The following MEGF10 variants were observed in gnomAD, a reference collection of about 807,000 sequenced individuals.
MEGF10 encodes multiple EGF like domains 10.
In MEGF10, 86 loss-of-function variants were observed where a neutral mutation model predicts 147.5. The observed-to-expected ratio is 0.58, with a 90% CI of 0.49 to 0.70. MEGF10 has a LOEUF of 0.70. Among genes scored for constraint, MEGF10 ranks in the 30% least tolerant of loss-of-function variants. The pLI is 0.00. For synonymous variants in MEGF10, 478 were observed against 525.5 expected, an observed-to-expected ratio of 0.91 and a Z score of 1.24; for missense variants, 1,329 against 1,487.3, an observed-to-expected ratio of 0.89 and a Z score of 1.75.
chr5:127,401,543 G>T (rs1172331253), intron 7 of MEGF10, among the ~76,000 whole-genome samples: 1 of 152,168 alleles, frequency 6.6e-6, no homozygotes, highest in Non-Finnish European at 1.5e-5. Context: ...ACCATCTGGT[G>T]TTCACTAGCC....
At chr5:127,437,859 T>C (rs1041769551) in intron 16 of MEGF10, among the ~76,000 whole-genome samples, 2 of 152,146 alleles carry the variant, frequency 1.3e-5, no homozygotes, top group Non-Finnish European at 2.9e-5. Context: ...TGGCCTTGGG[T>C]CCTTTAACCT....
intron 19 of MEGF10, among the ~76,000 whole-genome samples, chr5:127,444,180 C>G (rs1198336678): frequency 6.6e-6 from 1 of 152,174 alleles, no homozygotes; most frequent in Non-Finnish European, 1.5e-5. Flanking sequence ...GCATGTGGTA[C>G]TCCCTGGTAG....
chr5:127,321,787 C>T lies in MEGF10; in HGVS notation c.-18-9504C>T, dbSNP rs183729882. On this transcript the variant is annotated intron_variant, in intron 1 of 24. Transcript: ENST00000503335. ...CAGACACCACTGAAAAGGATCTTCC[C>T]GAGAGAGGGACCTTGCCTGTACTCA... 7.2e-4 allele frequency among the ~76,000 whole-genome samples: 109 copies of T among 152,166 alleles called. 2 individuals carry two copies. The highest frequency in any genetic ancestry group is 4.1e-3 in the East Asian group (21 of 5,154).
upstream of MEGF10, among the ~76,000 whole-genome samples, chr5:127,286,939 T>C (rs1000691122): frequency 4.0e-5 from 6 of 151,816 alleles, no homozygotes; most frequent in Admixed American, 6.6e-5. Flanking sequence ...GTATATCAAA[T>C]ATATAATACA....
chr5:127,239,507 A>C, the MEGF10 span, among the ~76,000 whole-genome samples: 3 of 148,080 alleles, frequency 2.0e-5, no homozygotes, highest in Non-Finnish European at 4.5e-5. Flanking sequence ...ACAGTTTTAC[A>C]TGTATATACT....
chr5:127,421,724 C>T (rs1311718565), intron 12 of MEGF10, among the ~76,000 whole-genome samples: 2 of 151,980 alleles, frequency 1.3e-5, no homozygotes. Flanking sequence ...GGATAATAAT[C>T]AGAGAAAAGT....
chr5:127,235,986 T>A, the MEGF10 span, among the ~76,000 whole-genome samples: 1 of 152,104 alleles, frequency 6.6e-6, no homozygotes, highest in Non-Finnish European at 1.5e-5. Context: ...AACTTTTTTT[T>A]TTTTTGAGAC....
chr5:127,289,513 T>C (rs989877547), upstream of MEGF10, among the ~76,000 whole-genome samples: 1 of 152,058 alleles, frequency 6.6e-6, no homozygotes, highest in Non-Finnish European at 1.5e-5. Context: ...CTGCTGTCCT[T>C]GTGGCAGGGA....
intron 4 of MEGF10, among the ~76,000 whole-genome samples, chr5:127,364,442 G>A (rs1762584253): frequency 6.6e-6 from 1 of 152,072 alleles, no homozygotes. Flanking sequence ...GAGTTTGATG[G>A]ATCTACATCA....
chr5:127,353,836 G>C (rs1455864620), intron 4 of MEGF10, among the ~76,000 whole-genome samples: 2 of 152,238 alleles, frequency 1.3e-5, no homozygotes, highest in Non-Finnish European at 2.9e-5. Flanking sequence ...TTGTAAGAAG[G>C]ACAGAGGGAA....
chr5:127,239,785 G>A, the MEGF10 span, among the ~76,000 whole-genome samples: 1 of 152,002 alleles, frequency 6.6e-6, no homozygotes, highest in South Asian at 2.1e-4. Context: ...GCCCAATAAA[G>A]AGTTTTTAAA....
intron 19 of MEGF10, chr5:127,445,256 C>T: frequency 1.7e-6 from 1 of 579,138 alleles, no homozygotes; most frequent in South Asian, 2.1e-5. Flanking sequence ...AGGCTTACAG[C>T]AGCCTTTCTC....
chr5:127,414,650 C>T (rs1011168882), intron 9 of MEGF10, among the ~76,000 whole-genome samples: 3 of 152,156 alleles, frequency 2.0e-5, no homozygotes, highest in Non-Finnish European at 4.4e-5. Flanking sequence ...CAGGGAGAAG[C>T]AGATTAATGT....
At chr5:127,377,796 T>C (rs1763090980) in intron 5 of MEGF10, among the ~76,000 whole-genome samples, 1 of 152,220 alleles carries the variant, frequency 6.6e-6, no homozygotes, top group Non-Finnish European at 1.5e-5. Context: ...GAGTAGACGC[T>C]GGGAGCCCAG....
chr5:127,289,085 T>A (rs894082751), upstream of MEGF10, among the ~76,000 whole-genome samples: 4 of 152,188 alleles, frequency 2.6e-5, no homozygotes, highest in Non-Finnish European at 5.9e-5. Context: ...AGAAGTTGAC[T>A]TTAAAGGGGT....
At chr5:127,412,196 G>A (rs1356481355) in intron 9 of MEGF10, among the ~76,000 whole-genome samples, 1 of 152,126 alleles carries the variant, frequency 6.6e-6, no homozygotes, top group Non-Finnish European at 1.5e-5. Flanking sequence ...GTCTAATATT[G>A]TATACCAAAT....
chr5:127,275,405 G>A, the MEGF10 span, among the ~76,000 whole-genome samples: 1 of 152,090 alleles, frequency 6.6e-6, no homozygotes, highest in Non-Finnish European at 1.5e-5. Context: ...TATCAGAGTC[G>A]GGAGCTTGCA....
the MEGF10 span, among the ~76,000 whole-genome samples, chr5:127,244,367 G>GAAAAAAAAA: frequency 9.5e-6 from 1 of 105,628 alleles, no homozygotes; most frequent in Non-Finnish European, 2.0e-5. Flanking sequence ...GCGAGACTCC[G>GAAAAAAAAA]AAAAAAAAAA....
At chr5:127,368,652 T>C (rs780504617) in intron 4 of MEGF10, among the ~76,000 whole-genome samples, 21 of 152,208 alleles carry the variant, frequency 1.4e-4, no homozygotes, top group Non-Finnish European at 2.1e-4. Flanking sequence ...TCACCTAAAA[T>C]GCCCTCCCTT....
Sources: allele counts gnomAD v4.1 joint callset (sites outside exome capture counted in the v4.1 genomes callset), GRCh38; gene constraint gnomAD v4.1.1; transcripts MANE v1.5; gene names NCBI Gene and HGNC (gene_info 2026-07-23, HGNC 2026-07-21).